Variants in GLMN observed in about 807,000 individuals in gnomAD.
GLMN encodes the protein glomulin, FKBP associated protein.
GLMN carries 75 observed loss-of-function variants against 87.8 expected under a neutral mutation model. The observed-to-expected ratio is 0.85, with a 90% CI of 0.71 to 1.04. The LOEUF (loss-of-function observed/expected upper bound fraction) is 1.04, where lower values mean the gene tolerates loss of function less well. Ranked by LOEUF, GLMN falls within the 50% of genes least tolerant of loss-of-function variation. The pLI, the probability that GLMN is intolerant of heterozygous loss-of-function variation, is 0.00. For missense variants in GLMN, 588 were observed against 658.8 expected (o/e 0.89, Z 1.18); for synonymous variants, 206 against 221.6 (o/e 0.93, Z 0.63).
Position 92,266,715 on chromosome 1 carries a change from G to A in GLMN, c.1125C>T (p.Cys375=), listed in dbSNP as rs772497879. The A allele has an allele frequency of 1.2e-6, 2 of 1,600,814 alleles. No homozygotes were observed. Among genetic ancestry groups the A allele is most frequent in the African/African-American group, 2.7e-5 (2 of 74,608 alleles). The change falls in exon 12 of 19, where the codon TGC becomes TGT. Residue 375 remains cysteine, a synonymous_variant. Coordinates refer to ENST00000370360, the MANE Select transcript of GLMN (RefSeq NM_053274.3). ...ATTTACATACCAGTGTCTCAATGGG[G>A]CAAAGTGTCATTACTTTCACTAAGC... The part of the protein sequence containing the change: ...PQGLVKVMTL[C]PIETLRKKSL...
At chr1:92,289,396 C>T (rs1216113030) in intron 5 of GLMN, among the ~76,000 whole-genome samples, 1 of 152,094 alleles carries the variant, frequency 6.6e-6, no homozygotes. Flanking sequence ...AGGCTATGTA[C>T]TTAAGACAGA....
At chr1:92,270,892 A>G (rs61779185) in intron 8 of GLMN, among the ~76,000 whole-genome samples, 31 of 152,294 alleles carry the variant, frequency 2.0e-4, no homozygotes, top group Admixed American at 7.8e-4. Context: ...GTGTCACTGG[A>G]GCATAGTAAA....
upstream of GLMN, among the ~76,000 whole-genome samples, chr1:92,302,687 C>T (rs921816208): frequency 2.1e-5 from 3 of 143,588 alleles, no homozygotes; most frequent in African/African-American, 5.1e-5. Context: ...CTGCAAGCTC[C>T]GCCTCCCGTG....
intron 15 of GLMN, 104 bp from the exon 16 acceptor site, chr1:92,263,030 A>G: frequency 1.7e-6 from 1 of 582,134 alleles, no homozygotes; most frequent in Non-Finnish European, 3.2e-6. Context: ...AGGTTTGCCA[A>G]TAGAAACTAT....
the GLMN span, among the ~76,000 whole-genome samples, chr1:92,344,966 A>T: frequency 1.3e-5 from 2 of 152,004 alleles, no homozygotes; most frequent in African/African-American, 4.8e-5. Flanking sequence ...GATCTTTCTA[A>T]ATGCTTTCTG....
rs1655281757 is a variant in GLMN at position 92,263,613 on chromosome 1, G to A, written c.1409+10C>T. 1 of 1,156,884 alleles carries A rather than the reference G, an allele frequency of 8.6e-7. No individual in the cohort carries two copies. The highest frequency in any genetic ancestry group is 1.3e-6 in the Non-Finnish European group (1 of 762,254). The allele number at this position is 1,156,884 out of a possible 1,614,324, so 71.7% of individuals were successfully genotyped here. On this transcript the variant is annotated intron_variant, in intron 15 of 18. Transcript: ENST00000370360. ...ATTTACTATGTGAACTTTGGTAATGGTCACCTCACCTATCTGAGTTTTGCA... is the reference window on the plus strand; with the variant it reads ...ATTTACTATGTGAACTTTGGTAATGATCACCTCACCTATCTGAGTTTTGCA...
At position 92,266,749 on chromosome 1, in the gene GLMN, T is replaced by TA. The variant is rs777896358; in HGVS notation, c.1099-9dup. On this transcript the variant is annotated splice_polypyrimidine_tract_variant and intron_variant, in intron 11 of 18. Transcript: ENST00000370360. ...CATTACTTTCACTAAGCCCTGGAAA[T>TA]AAAAAAATGTAAAATTCAGATGTAA... The TA allele has an allele frequency of 3.2e-6, 5 of 1,582,650 alleles. No individual in the cohort carries two copies. The highest frequency in any genetic ancestry group is 3.5e-6 in the Non-Finnish European group (4 of 1,153,184).
intron 16 of GLMN, among the ~76,000 whole-genome samples, chr1:92,249,512 T>C (rs1242191384): frequency 1.3e-5 from 2 of 152,130 alleles, no homozygotes; most frequent in Non-Finnish European, 2.9e-5. Context: ...CTTTTACTGA[T>C]ACATGATATT....
At chr1:92,271,883 A>G (rs1210597839) in intron 7 of GLMN, among the ~76,000 whole-genome samples, 1 of 152,172 alleles carries the variant, frequency 6.6e-6, no homozygotes, top group Non-Finnish European at 1.5e-5. Flanking sequence ...TAAGGTCCCA[A>G]ATCAGTAGAT....
the GLMN span, among the ~76,000 whole-genome samples, chr1:92,369,401 GT>G: frequency 1.3e-5 from 2 of 152,124 alleles, no homozygotes; most frequent in African/African-American, 4.8e-5. Context: ...AAGTTTACAA[GT>G]TGTGGGAACC....
the GLMN span, among the ~76,000 whole-genome samples, chr1:92,343,997 C>T: frequency 6.6e-5 from 10 of 152,316 alleles, no homozygotes; most frequent in Middle Eastern, 3.4e-3. Flanking sequence ...ATCCATTCTT[C>T]GTTCCTCCCC....
intron 9 of GLMN, among the ~76,000 whole-genome samples, chr1:92,269,287 A>G (rs1655986140): frequency 6.6e-6 from 1 of 151,962 alleles, no homozygotes; most frequent in Non-Finnish European, 1.5e-5. Context: ...ACTGTCAATA[A>G]TCTAAATTAT....
chr1:92,319,090 G>A, the GLMN span, among the ~76,000 whole-genome samples: 1 of 152,148 alleles, frequency 6.6e-6, no homozygotes, highest in African/African-American at 2.4e-5. Context: ...ACCCCAGAGT[G>A]GAGATTCAAG....
At chr1:92,277,969 A>AG (rs1002436598) in intron 7 of GLMN, among the ~76,000 whole-genome samples, 12 of 151,978 alleles carry the variant, frequency 7.9e-5, no homozygotes, top group African/African-American at 4.8e-5. Context: ...TGGCATTGGA[A>AG]GGGGGGGCAG....
intron 3 of GLMN, among the ~76,000 whole-genome samples, chr1:92,294,923 C>T (rs1401569318): frequency 6.6e-6 from 1 of 152,202 alleles, no homozygotes; most frequent in African/African-American, 2.4e-5. Flanking sequence ...AGGTGATCCA[C>T]CCGCCTCGGC....
At chr1:92,298,434 C>A (rs557533103) in intron 1 of GLMN, among the ~76,000 whole-genome samples, 1 of 152,214 alleles carries the variant, frequency 6.6e-6, no homozygotes, top group South Asian at 2.1e-4. Flanking sequence ...AAAAGGTGGA[C>A]CTGAAATCAA....
chr1:92,297,675 A>G, intron 2 of GLMN, 146 bp from the exon 3 acceptor site: 1 of 727,426 alleles, frequency 1.4e-6, no homozygotes, highest in Non-Finnish European at 2.3e-6. Context: ...CACACGTATC[A>G]AAATTAGGAT....
chr1:92,253,263 C>T lies in GLMN; in HGVS notation c.1474-5274G>A, dbSNP rs528760836. ...GGCATCTCTGAAAGAAAGGCAGCAG[C>T]TCCAGTCAGGGGCTTATAGATAAAA... On this transcript the variant is annotated intron_variant, in intron 16 of 18. Coordinates refer to ENST00000370360, the MANE Select transcript of GLMN (RefSeq NM_053274.3). Among the ~76,000 whole-genome samples the T allele has an allele frequency of 2.0e-5, 3 of 152,288 alleles. No homozygotes were observed. The South Asian group carries it at 6.2e-4, about 32-fold the overall frequency.
At chr1:92,313,769 A>G in the GLMN span, among the ~76,000 whole-genome samples, 1 of 152,230 alleles carries the variant, frequency 6.6e-6, no homozygotes, top group East Asian at 1.9e-4. Context: ...ATTTGTCTAC[A>G]TTGAAAATTT....
Sources: allele counts gnomAD v4.1 joint callset (sites outside exome capture counted in the v4.1 genomes callset), GRCh38; gene constraint gnomAD v4.1.1; transcripts MANE v1.5; gene names NCBI Gene and HGNC (gene_info 2026-07-23, HGNC 2026-07-21).